CCDC39: variants seen among roughly 807,000 people sequenced by gnomAD.
CCDC39 encodes coiled-coil domain 39 molecular ruler complex subunit, also known as coiled-coil domain-containing protein 39.
Under a neutral mutation model 121.0 loss-of-function variants are expected in CCDC39, and 113 were observed. The observed-to-expected ratio is 0.93, with a 90% CI of 0.80 to 1.09. The LOEUF (loss-of-function observed/expected upper bound fraction) is 1.09. Among genes scored for constraint, CCDC39 ranks in the 50% least tolerant of loss-of-function variants. The probability of loss-of-function intolerance (pLI) is 0.00; values close to 1 mark genes in which losing one functional copy is unlikely to be tolerated. For missense variants in CCDC39, 1,063 were observed against 1,074.7 expected, an observed-to-expected ratio of 0.99 and a Z score of 0.15; for synonymous variants, 349 against 352.2, an observed-to-expected ratio of 0.99 and a Z score of 0.10.
At chr3:180,623,503 G>GT (rs1022274362) in intron 14 of CCDC39, among the ~76,000 whole-genome samples, 2 of 151,210 alleles carry the variant, frequency 1.3e-5, no homozygotes, top group East Asian at 3.9e-4. Context: ...GTTTGGTTTT[G>GT]TTTTTTTTCT....
chr3:180,670,393 T>G (rs192107565), intron 1 of CCDC39, among the ~76,000 whole-genome samples: 2 of 151,998 alleles, frequency 1.3e-5, no homozygotes, highest in African/African-American at 2.4e-5. Context: ...TCTATGACTA[T>G]TTCCTAGAAT....
chr3:180,669,834 T>C (rs1711983970), intron 1 of CCDC39, among the ~76,000 whole-genome samples: 2 of 152,208 alleles, frequency 1.3e-5, no homozygotes, highest in Admixed American at 1.3e-4. Flanking sequence ...TTTTTAAAAA[T>C]GTACACGTCA....
rs772682659 is a variant in CCDC39 at position 180,642,122 on chromosome 3, ACTT to A, written c.1742_1744del (p.Glu581del). 45 of 1,612,848 alleles carry A rather than the reference ACTT, an allele frequency of 2.8e-5. No individual in the cohort carries two copies. The highest frequency in any genetic ancestry group is 3.6e-5 in the Non-Finnish European group (42 of 1,179,190). ...CTGTTTTCTTTTTTCTAGGGAAAGA[ACTT>A]CTTCTGCCTTACTGTGAAGCATTTC... is the stretch of plus-strand genomic sequence containing the variant. On this transcript the variant is annotated inframe_deletion, in exon 13 of 20. Coordinates refer to ENST00000476379, the MANE Select transcript of CCDC39 (RefSeq NM_181426.2).
In CCDC39 at chr3:180,648,297, CTG is replaced by C; in HGVS notation, c.1228_1229del (p.Gln410AspfsTer2). The C allele has an allele frequency of 2.5e-6, 4 of 1,611,936 alleles. No homozygotes were observed. Among genetic ancestry groups the C allele is most frequent in the Non-Finnish European group, 3.4e-6 (4 of 1,179,066 alleles). ...GVLFKKAQEL[Q>X]TETMKEKAVL... is the part of the protein sequence containing the mutation. ...CAGCTTTTTCTTTCATTGTCTCAGT[CTG>C]TAACTCCTGAGCTTTCTTAAACAGC... On this transcript the variant is annotated frameshift_variant, in exon 10 of 20. Coordinates refer to ENST00000476379, the MANE Select transcript of CCDC39 (RefSeq NM_181426.2). LOFTEE classifies it high-confidence loss of function.
chr3:180,652,236 T>C lies in CCDC39; in HGVS notation c.961A>G (p.Thr321Ala), dbSNP rs774753169. 2.6e-6 allele frequency: 4 copies of C among 1,534,932 alleles called. No homozygotes were observed. In the South Asian group the frequency reaches 5.1e-5, roughly 20 times the overall value. Reference protein sequence around the residue: ...LDSLKATVNRTSSDLEALRKN... With the variant: ...LDSLKATVNRASSDLEALRKN... ...CTCAGAGCTTCTAAATCACTGGAAG[T>C]TCTATTCACAGTGGCTTTTAAAGAA... Residue 321 changes from threonine (T) to alanine (A), a missense_variant, in exon 8 of 20, where the codon ACT (threonine) becomes GCT (alanine). Physicochemically the swap from Thr to Ala is moderately conservative, Grantham distance 58. Coordinates refer to ENST00000476379, the MANE Select transcript of CCDC39 (RefSeq NM_181426.2).
intron 14 of CCDC39, 87 bp from the exon 15 acceptor site, chr3:180,620,057 T>A: frequency 9.8e-7 from 1 of 1,019,286 alleles, no homozygotes; most frequent in Non-Finnish European, 1.4e-6. Context: ...CAGAAAATAG[T>A]TGACTTGTGA....
At chr3:180,653,720 T>C (rs1276390976) in intron 7 of CCDC39, among the ~76,000 whole-genome samples, 4 of 152,128 alleles carry the variant, frequency 2.6e-5, no homozygotes, top group Admixed American at 6.6e-5. Flanking sequence ...CAAAACAAAA[T>C]AGTGCAGTCA....
intron 11 of CCDC39, among the ~76,000 whole-genome samples, chr3:180,644,745 A>G (rs1174628253): frequency 2.6e-5 from 4 of 152,248 alleles, no homozygotes; most frequent in African/African-American, 9.6e-5. Flanking sequence ...TATATCATTT[A>G]GGGAATAATG....
Position 180,654,742 on chromosome 3 carries a change from TC to T in CCDC39, c.930+19del. 6.4e-7 allele frequency: 1 copy of T among 1,566,026 alleles called. No homozygotes were observed. Among genetic ancestry groups the T allele is most frequent in the Non-Finnish European group, 8.7e-7 (1 of 1,145,994 alleles). On this transcript the variant is annotated intron_variant, in intron 7 of 19. Transcript: ENST00000476379. ...GATTTGTCGTGAACATACAAGCCAG[TC>T]TTTTTTGAGTTGACATACCTCACCC... is the stretch of plus-strand genomic sequence containing the variant.
chr3:180,616,663 C>G lies in CCDC39; in HGVS notation c.2439G>C (p.Leu813Phe). The change falls in exon 18 of 20, where the codon TTG becomes TTC. Residue 813 changes from leucine to phenylalanine, a missense_variant. Leu to Phe is a conservative substitution (Grantham distance 22). Coordinates refer to ENST00000476379, the MANE Select transcript of CCDC39 (RefSeq NM_181426.2). ...CAKLTKEIRL[L>F]KDTKDETMEE... ...CCATTGTTTCATCTTTTGTGTCTTT[C>G]AAAAGACGGATTTCCTTTGTGAGTT... The G allele has an allele frequency of 6.3e-7, 1 of 1,591,482 alleles. No homozygotes were observed. Among genetic ancestry groups the G allele is most frequent in the Non-Finnish European group, 8.6e-7 (1 of 1,167,226 alleles).
intron 1 of CCDC39, among the ~76,000 whole-genome samples, chr3:180,672,178 C>G (rs1334117474): frequency 6.6e-6 from 1 of 152,128 alleles, no homozygotes; most frequent in African/African-American, 2.4e-5. Context: ...TGTGCTAAAT[C>G]TACTCTGCAA....
rs1489099162 is a variant in CCDC39 at position 180,615,018 on chromosome 3, T to G, written c.2729A>C (p.Lys910Thr). Residue 910 changes from lysine to threonine, a missense_variant, in exon 20 of 20, where the codon AAA (lysine) becomes ACA (threonine). Lys to Thr is a moderately conservative substitution (Grantham distance 78). Coordinates refer to ENST00000476379, the MANE Select transcript of CCDC39 (RefSeq NM_181426.2). ...SQSSIKVLELKFPASSSLVGS... is the reference protein window; with the variant it reads ...SQSSIKVLELTFPASSSLVGS... The stretch of plus-strand genomic sequence containing the variant: ...TACTAGTGAAGAGGAGGCCGGGAAT[T>G]TAAGCTCCAGTACTTTAATTGAAGA... The G allele has an allele frequency of 3.8e-6, 6 of 1,560,118 alleles. No homozygotes were observed. Among genetic ancestry groups the G allele is most frequent in the Non-Finnish European group, 5.2e-6 (6 of 1,150,674 alleles).
At chr3:180,642,300 T>G in intron 12 of CCDC39, 99 bp from the exon 13 acceptor site, 1 of 603,972 alleles carries the variant, frequency 1.7e-6, no homozygotes, top group East Asian at 3.0e-5. Context: ...AAATATACCT[T>G]TTTCCAATTT....
chr3:180,618,820 G>T (rs1410377706), intron 16 of CCDC39, among the ~76,000 whole-genome samples: 2 of 151,938 alleles, frequency 1.3e-5, no homozygotes, highest in Non-Finnish European at 2.9e-5. Flanking sequence ...TTGGACATTT[G>T]GGTTGGTTCC....
chr3:180,639,607 T>C (rs1300155092), intron 13 of CCDC39, among the ~76,000 whole-genome samples: 1 of 151,988 alleles, frequency 6.6e-6, no homozygotes, highest in Non-Finnish European at 1.5e-5. Context: ...AATGATATAA[T>C]GGACTTTGGG....
At chr3:180,635,842 A>G (rs1367446289) in intron 13 of CCDC39, among the ~76,000 whole-genome samples, 4 of 152,226 alleles carry the variant, frequency 2.6e-5, no homozygotes, top group African/African-American at 7.2e-5. Flanking sequence ...AAACAGAACT[A>G]AAGACAAAAA....
chr3:180,642,246 TG>T, intron 12 of CCDC39, 45 bp from the exon 13 acceptor site: 3 of 1,321,626 alleles, frequency 2.3e-6, no homozygotes, highest in South Asian at 3.2e-5. Flanking sequence ...TATTTTTAAT[TG>T]CAAAACCAAA....
Position 180,644,201 on chromosome 3 carries a change from G to A in CCDC39, c.1584C>T (p.Ser528=), listed in dbSNP as rs1718021330. 1 of 1,542,236 alleles carries A rather than the reference G, an allele frequency of 6.5e-7. No individual in the cohort carries two copies. The highest frequency in any genetic ancestry group is 8.8e-7 in the Non-Finnish European group (1 of 1,142,708). ...TTAGTTCATTTATTTTGGTCATAAG[G>A]GACTGTTTTTCATCACTGTTTTTAC... ...AHSKNSDEKQ[S]LMTKINELNL... The change falls in exon 12 of 20, where the codon TCC becomes TCT. Residue 528 remains serine, a synonymous_variant. Transcript: ENST00000476379.
At chr3:180,645,233 A>C (rs1265197913) in intron 11 of CCDC39, among the ~76,000 whole-genome samples, 1 of 152,166 alleles carries the variant, frequency 6.6e-6, no homozygotes, top group Non-Finnish European at 1.5e-5. Flanking sequence ...AATGTCAGCT[A>C]TTATTAATTA....
Sources: allele counts gnomAD v4.1 joint callset (sites outside exome capture counted in the v4.1 genomes callset), GRCh38; gene constraint gnomAD v4.1.1; transcripts MANE v1.5; gene names NCBI Gene and HGNC (gene_info 2026-07-23, HGNC 2026-07-21).